The following ASH1L variants were observed in gnomAD, a reference collection of about 807,000 sequenced individuals.
ASH1L encodes histone-lysine N-methyltransferase ASH1L.
Under a neutral mutation model 269.0 loss-of-function variants are expected in ASH1L, and 23 were observed. The ratio of observed to expected loss-of-function variants is 0.09; its 90% CI spans 0.06 to 0.12. The LOEUF (loss-of-function observed/expected upper bound fraction) is 0.12, where lower values mean the gene tolerates loss of function less well. ASH1L is among the 10% of genes least tolerant of loss of function. The pLI, the probability that ASH1L is intolerant of heterozygous loss-of-function variation, is 1.00. For missense variants in ASH1L, 2,912 were observed against 3,567.8 expected, an observed-to-expected ratio of 0.82 and a Z score of 4.68; for synonymous variants, 1,187 against 1,253.5, an observed-to-expected ratio of 0.95 and a Z score of 1.12.
chr1:155,477,391 A>C (rs1224562878), intron 3 of ASH1L, among the ~76,000 whole-genome samples: 1 of 152,192 alleles, frequency 6.6e-6, no homozygotes, highest in Non-Finnish European at 1.5e-5. Flanking sequence ...AAAATGTCCA[A>C]TGTTTGAATT....
chr1:155,408,280 T>C (rs1019725530), intron 6 of ASH1L, among the ~76,000 whole-genome samples: 1 of 152,238 alleles, frequency 6.6e-6, no homozygotes, highest in African/African-American at 2.4e-5. Context: ...TTTAAGCTGC[T>C]AAATTTGTGA....
At chr1:155,460,358 C>A (rs1222515490) in intron 3 of ASH1L, among the ~76,000 whole-genome samples, 1 of 152,100 alleles carries the variant, frequency 6.6e-6, no homozygotes, top group African/African-American at 2.4e-5. Context: ...GCCTGTAATC[C>A]CAGTACTTTG....
chr1:155,425,894 GTT>G (rs35782870), intron 5 of ASH1L, among the ~76,000 whole-genome samples: 1 of 143,488 alleles, frequency 7.0e-6, no homozygotes, highest in African/African-American at 2.6e-5. Context: ...TTTTTGTGGT[GTT>G]TTTTTTTTTT....
intron 5 of ASH1L, among the ~76,000 whole-genome samples, chr1:155,421,770 A>T (rs1324705057): frequency 6.6e-6 from 1 of 152,192 alleles, no homozygotes; most frequent in Non-Finnish European, 1.5e-5. Flanking sequence ...TACACAAAAT[A>T]AATGTAGAAC....
In ASH1L at chr1:155,344,286, G is replaced by A. The variant is rs1233653269; in HGVS notation, c.7891-13C>T. On this transcript the variant is annotated splice_polypyrimidine_tract_variant and intron_variant, in intron 21 of 27. Coordinates refer to ENST00000392403, the MANE Select transcript of ASH1L (RefSeq NM_018489.3). ...TCATGGGAACCTCCTGATAGGAGCA[G>A]AAAGCCAATGTATAAGGGCTGGAAT... 2 of 1,600,596 alleles carry A rather than the reference G, an allele frequency of 1.2e-6. No homozygotes were observed. Among genetic ancestry groups the A allele is most frequent in the Middle Eastern group, 1.7e-4 (1 of 6,034 alleles).
At chr1:155,539,244 C>A (rs192531046) in intron 1 of ASH1L, among the ~76,000 whole-genome samples, 1 of 151,432 alleles carries the variant, frequency 6.6e-6, no homozygotes, top group Non-Finnish European at 1.5e-5. Flanking sequence ...TTATTGTCAA[C>A]CTTCAACCTA....
In ASH1L at chr1:155,345,478, C is replaced by T. The variant is rs139183129; in HGVS notation, c.7890+905G>A. ...GATTGCAGCCGTGAGCCACTGCGCC[C>T]GGCCGAGGATGGTCTTTATCTCTTG... On this transcript the variant is annotated intron_variant, in intron 21 of 27. Transcript: ENST00000392403. 8.1e-3 allele frequency among the ~76,000 whole-genome samples: 1,228 copies of T among 151,388 alleles called. 19 individuals carry two copies. The highest frequency in any genetic ancestry group is 0.028 in the African/African-American group (1,169 of 41,214).
chr1:155,469,177 T>TTTAA (rs954070368), intron 3 of ASH1L, among the ~76,000 whole-genome samples: 2 of 151,364 alleles, frequency 1.3e-5, no homozygotes, highest in Non-Finnish European at 2.9e-5. Flanking sequence ...CACTCTTTTT[T>TTTAA]TTAATTAATT....
chr1:155,386,208 C>T (rs942657509), intron 7 of ASH1L, among the ~76,000 whole-genome samples: 4 of 151,726 alleles, frequency 2.6e-5, no homozygotes, highest in African/African-American at 9.7e-5. Flanking sequence ...GCTGGGATTA[C>T]AGGAGCCCAC....
chr1:155,480,782 A>G lies in ASH1L; in HGVS notation c.2088T>C (p.Val696=). ...GCAAACTAGTACTTAGGCTTTCAGC[A>G]ACTTGGCAGTGTTTGTCTGATGCAG... ...AVSASDKHCQ[V]AESLSTSLQS... is the part of the protein sequence containing the mutation. Residue 696 remains valine, a synonymous_variant, in exon 3 of 28, where the codon GTT becomes GTC. Coordinates refer to ENST00000392403, the MANE Select transcript of ASH1L (RefSeq NM_018489.3). The G allele has an allele frequency of 1.2e-6, 2 of 1,613,976 alleles. No homozygotes were observed. Among genetic ancestry groups the G allele is most frequent in the Non-Finnish European group, 1.7e-6 (2 of 1,179,992 alleles).
chr1:155,560,223 T>C (rs901137263), intron 1 of ASH1L, among the ~76,000 whole-genome samples: 29 of 152,192 alleles, frequency 1.9e-4, no homozygotes, highest in Non-Finnish European at 3.7e-4. Context: ...TATATATAAA[T>C]CATGTGATTG....
Position 155,481,800 on chromosome 1 carries a change from T to C in ASH1L, c.1070A>G (p.Lys357Arg), listed in dbSNP as rs754682525. ...AACCACAGTGCCAAGTCCTAACTTCTTGCCAGACTCTTTATGCACTAAACC... is the reference window on the plus strand; with the variant it reads ...AACCACAGTGCCAAGTCCTAACTTCCTGCCAGACTCTTTATGCACTAAACC... Reference protein sequence around the residue: ...VPGLVHKESGKKLGLGTVVGL... With the variant: ...VPGLVHKESGRKLGLGTVVGL... The change falls in exon 3 of 28, where the codon AAG (lysine) becomes AGG (arginine). Residue 357 changes from lysine (K) to arginine (R), a missense_variant. By Grantham distance (26) the Lys-to-Arg change is conservative. Around this residue, in one of 13 missense-constraint regions of ASH1L, gnomAD observed 277 missense variants for 367.7 expected, o/e 0.75. Transcript: ENST00000392403. 5.6e-6 allele frequency: 9 copies of C among 1,614,240 alleles called. No individual in the cohort carries two copies. Among genetic ancestry groups the C allele is most frequent in the Admixed American group, 1.7e-5 (1 of 60,036 alleles).
chr1:155,488,502 CA>C (rs368511587), intron 2 of ASH1L, among the ~76,000 whole-genome samples: 2,477 of 41,314 alleles, frequency 0.06, 60 homozygotes, highest in African/African-American at 0.16. Context: ...ACTAAAAATA[CA>C]AAAAAAAAAA....
At chr1:155,361,631 G>A (rs925473632) in intron 12 of ASH1L, among the ~76,000 whole-genome samples, 6 of 151,344 alleles carry the variant, frequency 4.0e-5, no homozygotes, top group Non-Finnish European at 7.4e-5. Context: ...CCCGGGAGGC[G>A]GAGGTTGCGG....
intron 2 of ASH1L, among the ~76,000 whole-genome samples, chr1:155,516,238 AT>A (rs1231359741): frequency 6.6e-6 from 1 of 152,126 alleles, no homozygotes; most frequent in Non-Finnish European, 1.5e-5. Flanking sequence ...ATTATATATA[AT>A]ATTTCAGTAG....
chr1:155,433,622 C>T (rs1248491114), intron 5 of ASH1L: 5 of 1,608,772 alleles, frequency 3.1e-6, no homozygotes, highest in Admixed American at 1.7e-5. Flanking sequence ...AGAACTCGAA[C>T]AATTTGCCAA....
At chr1:155,503,071 C>T (rs995769126) in intron 2 of ASH1L, among the ~76,000 whole-genome samples, 6 of 152,180 alleles carry the variant, frequency 3.9e-5, no homozygotes, top group Non-Finnish European at 7.4e-5. Context: ...TTGGAGCCCC[C>T]AGCCCGTAAA....
intron 2 of ASH1L, among the ~76,000 whole-genome samples, chr1:155,486,597 C>A (rs529397258): frequency 2.0e-5 from 3 of 152,146 alleles, no homozygotes; most frequent in Admixed American, 1.3e-4. Context: ...ATACCTCATT[C>A]TCTATGATGT....
rs551357812 is a variant in ASH1L, at chr1:155,521,771, A to C, written c.-99-153T>G. ...GTTAATTCAAAATAGATGTAAATCCATTTAGTTATAAATACATTTAAAATT... is the reference window on the plus strand; with the variant it reads ...GTTAATTCAAAATAGATGTAAATCCCTTTAGTTATAAATACATTTAAAATT... On this transcript the variant is annotated intron_variant, in intron 1 of 27. Transcript: ENST00000392403. Among the ~76,000 whole-genome samples, 11 of 152,348 alleles carry C rather than the reference A, an allele frequency of 7.2e-5. No individual in the cohort carries two copies. In the South Asian group the frequency reaches 1.7e-3, roughly 23 times the overall value.
Sources: gnomAD v4.1 joint callset for allele counts (sites outside exome capture counted in the v4.1 genomes callset) on GRCh38, gnomAD v4.1.1 for gene constraint, gnomAD v4.1.1 regional missense constraint, MANE v1.5 for transcripts, NCBI Gene and HGNC (gene_info 2026-07-23, HGNC 2026-07-21) for gene names.